TERF2IP: variants seen among roughly 807,000 people sequenced by gnomAD.
TERF2IP encodes TERF2 interacting protein.
TERF2IP carries 35 observed loss-of-function variants against 33.3 expected under a neutral mutation model. The observed-to-expected ratio is 1.05, with a 90% CI of 0.80 to 1.39. The LOEUF is 1.39. Ranked by LOEUF, TERF2IP falls within the 40% of genes most tolerant of loss-of-function variation. The probability of loss-of-function intolerance (pLI) is 0.00; values close to 1 mark genes in which losing one functional copy is unlikely to be tolerated. For synonymous variants in TERF2IP, 253 were observed against 223.2 expected (o/e 1.13, Z -1.19); for missense variants, 583 against 524.8 (o/e 1.11, Z -1.08).
At chr16:75,656,118 G>A in intron 2 of TERF2IP, 89 bp from the exon 3 acceptor site, 1 of 1,308,146 alleles carries the variant, frequency 7.6e-7, no homozygotes, top group Non-Finnish European at 1.1e-6. Context: ...AATGCAGAGG[G>A]CAAGGGGGTG....
At chr16:75,653,348 A>G (rs544680717) in intron 1 of TERF2IP, among the ~76,000 whole-genome samples, 1 of 152,250 alleles carries the variant, frequency 6.6e-6, no homozygotes, top group South Asian at 2.1e-4. Flanking sequence ...GTGGGTTGTC[A>G]TCATGAAATT....
intron 1 of TERF2IP, chr16:75,648,772 C>T (rs113577360): frequency 1.5e-5 from 20 of 1,314,274 alleles, no homozygotes; most frequent in African/African-American, 8.9e-5. Context: ...CTAAGCTGGT[C>T]TGAACTCCTG....
chr16:75,647,844 G>A lies in TERF2IP; in HGVS notation c.-39G>A, dbSNP rs755476885. The A allele has an allele frequency of 1.3e-6, 2 of 1,596,102 alleles. No individual in the cohort carries two copies. Among genetic ancestry groups the A allele is most frequent in the Non-Finnish European group, 1.7e-6 (2 of 1,169,052 alleles). ...GTTGAGCTCTGTGTGCCAGGCGCTCGCGAGGGGGTAGCTCTTCTAGTAGTG... is the reference window on the plus strand; with the variant it reads ...GTTGAGCTCTGTGTGCCAGGCGCTCACGAGGGGGTAGCTCTTCTAGTAGTG... On this transcript the variant is annotated 5_prime_UTR_variant, in exon 1 of 3. Coordinates refer to ENST00000300086, the MANE Select transcript of TERF2IP (RefSeq NM_018975.4).
intron 1 of TERF2IP, 125 bp from the exon 2 acceptor site, chr16:75,654,148 T>TAAAAAA (rs34359798): frequency 1.4e-4 from 40 of 290,450 alleles, no homozygotes; most frequent in African/African-American, 1.2e-3. Context: ...CTTCTGATAG[T>TAAAAAA]AAAAAAAAAA....
chr16:75,648,669 C>T, intron 1 of TERF2IP, 117 bp downstream of exon 1: 1 of 1,434,252 alleles, frequency 7.0e-7, no homozygotes, highest in Non-Finnish European at 9.1e-7. Context: ...GCCCCGCCCC[C>T]TGTTGACATC....
In TERF2IP at chr16:75,647,854, A is replaced by G; in HGVS notation, c.-29A>G. 1.3e-6 allele frequency: 2 copies of G among 1,598,346 alleles called. No homozygotes were observed. Among genetic ancestry groups the G allele is most frequent in the Non-Finnish European group, 1.7e-6 (2 of 1,170,224 alleles). ...GTGTGCCAGGCGCTCGCGAGGGGGT[A>G]GCTCTTCTAGTAGTGCTCGGCGTCA... On this transcript the variant is annotated 5_prime_UTR_variant, in exon 1 of 3. Transcript: ENST00000300086.
chr16:75,654,213 A>G lies in TERF2IP; in HGVS notation c.671-60A>G, dbSNP rs2082367619. 4.8e-6 allele frequency: 7 copies of G among 1,467,556 alleles called. No individual in the cohort carries two copies. The South Asian group carries it at 6.9e-5, about 14-fold the overall frequency. The allele number at this position is 1,467,556 out of a possible 1,614,324, so 90.9% of individuals were successfully genotyped here. ...CTGGCCCAGAGCTCACACAGCAAAT[A>G]TATTTTTGGTTTATGTAAAAGAGGC... is the stretch of plus-strand genomic sequence containing the variant. On this transcript the variant is annotated intron_variant, in intron 1 of 2. Transcript: ENST00000300086.
intron 1 of TERF2IP, among the ~76,000 whole-genome samples, chr16:75,653,064 T>G (rs989874454): frequency 6.6e-6 from 1 of 152,250 alleles, no homozygotes; most frequent in Non-Finnish European, 1.5e-5. Context: ...ATCTTCAAAG[T>G]TCATCCATAT....
Position 75,648,470 on chromosome 16 carries a change from G to C in TERF2IP, c.588G>C (p.Leu196=), listed in dbSNP as rs769282930. The C allele has an allele frequency of 1.1e-5, 18 of 1,595,056 alleles. No homozygotes were observed. In the Admixed American group the frequency reaches 3.2e-4, roughly 28 times the overall value. ...TGCGGGGCCAGGAGCATAAGTACCTGCTGGGGGACGCGCCGGTGAGCCCCT... is the reference window on the plus strand; with the variant it reads ...TGCGGGGCCAGGAGCATAAGTACCTCCTGGGGGACGCGCCGGTGAGCCCCT... ...KHLRGQEHKY[L]LGDAPVSPSS... is the part of the protein sequence containing the mutation. Residue 196 remains leucine, a synonymous_variant, in exon 1 of 3, where the codon CTG becomes CTC. Transcript: ENST00000300086.
chr16:75,652,459 A>G (rs1392041638), intron 1 of TERF2IP, among the ~76,000 whole-genome samples: 1 of 152,196 alleles, frequency 6.6e-6, no homozygotes, highest in African/African-American at 2.4e-5. Context: ...TATACTGCAT[A>G]TACCCATCAC....
Position 75,648,174 on chromosome 16 carries a change from G to C in TERF2IP, c.292G>C (p.Ala98Pro). The C allele has an allele frequency of 6.4e-7, 1 of 1,564,106 alleles. No individual in the cohort carries two copies. The highest frequency in any genetic ancestry group is 8.6e-7 in the Non-Finnish European group (1 of 1,157,176). The change falls in exon 1 of 3, where the codon GCC becomes CCC. Residue 98 changes from alanine (A) to proline (P), a missense_variant. Ala to Pro is a conservative substitution (Grantham distance 27). Transcript: ENST00000300086. ...VERNERLELEAYRLGPASAAD... is the reference protein window; with the variant it reads ...VERNERLELEPYRLGPASAAD... Reference sequence around the variant, plus strand: ...GCGCAACGAGAGGCTGGAGCTGGAGGCCTATCGGCTGGGCCCCGCCTCGGC... The same window carrying C: ...GCGCAACGAGAGGCTGGAGCTGGAGCCCTATCGGCTGGGCCCCGCCTCGGC...
chr16:75,649,537 C>A (rs971579930), intron 1 of TERF2IP, among the ~76,000 whole-genome samples: 2 of 145,180 alleles, frequency 1.4e-5, no homozygotes, highest in Non-Finnish European at 3.0e-5. Flanking sequence ...GAGCAAGACT[C>A]CATCTCAAAA....
Position 75,656,531 on chromosome 16 carries a change from G to C in TERF2IP, c.1120G>C (p.Asp374His), listed in dbSNP as rs2082388231. 7 of 1,614,174 alleles carry C rather than the reference G, an allele frequency of 4.3e-6. No homozygotes were observed. The highest frequency in any genetic ancestry group is 1.6e-4 in the Middle Eastern group (1 of 6,062). Residue 374 changes from aspartate (D) to histidine (H), a missense_variant, in exon 3 of 3, where the codon GAT (aspartate) becomes CAT (histidine). Transcript: ENST00000300086. ...AGATGACATAGATTTGCAAAAAGATGATGAGGATACCAGAGAGGCATTGGT... is the reference window on the plus strand; with the variant it reads ...AGATGACATAGATTTGCAAAAAGATCATGAGGATACCAGAGAGGCATTGGT... ...RQDDIDLQKD[D>H]EDTREALVKK...
chr16:75,656,396 C>A lies in TERF2IP; in HGVS notation c.985C>A (p.Leu329Ile). 2 of 1,614,192 alleles carry A rather than the reference C, an allele frequency of 1.2e-6. No homozygotes were observed. Among genetic ancestry groups the A allele is most frequent in the Non-Finnish European group, 1.7e-6 (2 of 1,180,032 alleles). Residue 329 changes from leucine (L) to isoleucine (I), a missense_variant, in exon 3 of 3, where the codon CTA (leucine) becomes ATA (isoleucine). By Grantham distance (5) the Leu-to-Ile change is conservative. Coordinates refer to ENST00000300086, the MANE Select transcript of TERF2IP (RefSeq NM_018975.4). ...GTTAATGGAGAAGTTTAACTTGGAT[C>A]TATCAACAGTTACACAGGCCTTCCT... ...RQLMEKFNLD[L>I]STVTQAFLKN...
chr16:75,648,575 C>A, intron 1 of TERF2IP, 23 bp downstream of exon 1: 4 of 1,512,088 alleles, frequency 2.6e-6, no homozygotes, highest in Non-Finnish European at 2.7e-6. Context: ...AGCGCGGGGC[C>A]TCGCGGATAT....
Position 75,656,515 on chromosome 16 carries a change from A to G in TERF2IP, c.1104A>G (p.Ile368Met), listed in dbSNP as rs1331316282. The part of the protein sequence containing the change: ...GYPIWSRQDD[I>M]DLQKDDEDTR... ...CCATTTGGTCCCGACAAGATGACAT[A>G]GATTTGCAAAAAGATGATGAGGATA... The change falls in exon 3 of 3, where the codon ATA becomes ATG. Residue 368 changes from isoleucine (I) to methionine (M), a missense_variant. Physicochemically the swap from Ile to Met is conservative, Grantham distance 10 (BLOSUM62 1). Transcript: ENST00000300086. 1.2e-6 allele frequency: 2 copies of G among 1,614,250 alleles called. No homozygotes were observed. The highest frequency in any genetic ancestry group is 3.3e-5 in the Admixed American group (2 of 60,032).
chr16:75,656,146 G>A, intron 2 of TERF2IP, 61 bp from the exon 3 acceptor site: 1 of 1,503,004 alleles, frequency 6.7e-7, no homozygotes, highest in African/African-American at 1.4e-5. Context: ...GAAGAGACCA[G>A]ATATTGTAAG....
intron 1 of TERF2IP, 21 bp downstream of exon 1, chr16:75,648,573 G>A (rs2082321724): frequency 1.3e-6 from 2 of 1,514,968 alleles, no homozygotes; most frequent in South Asian, 2.5e-5. Context: ...TGAGCGCGGG[G>A]CCTCGCGGAT....
In TERF2IP at chr16:75,656,918, C is replaced by G. The variant is rs566223137; in HGVS notation, c.*307C>G. The G allele has an allele frequency of 3.9e-6, 1 of 258,326 alleles. No homozygotes were observed. The highest frequency in any genetic ancestry group is 1.0e-4 in the South Asian group (1 of 9,682). 16.0% of individuals were successfully genotyped at this position (258,326 alleles called of 1,614,324 possible). On this transcript the variant is annotated 3_prime_UTR_variant, in exon 3 of 3. Coordinates refer to ENST00000300086, the MANE Select transcript of TERF2IP (RefSeq NM_018975.4). ...ATCCATTGTTGGAATGGAACCCTTG[C>G]TATAGTAGTGACAAAGTGAAAGGAA...
Sources: gnomAD v4.1 joint callset for allele counts (sites outside exome capture counted in the v4.1 genomes callset) on GRCh38, gnomAD v4.1.1 for gene constraint, MANE v1.5 for transcripts, NCBI Gene and HGNC (gene_info 2026-07-23, HGNC 2026-07-21) for gene names.